Variants in MACROD2 observed in about 807,000 individuals in gnomAD.
The protein encoded by MACROD2 is ADP-ribose glycohydrolase MACROD2.
In MACROD2, 36 loss-of-function variants were observed where a neutral mutation model predicts 70.4. That is an observed-to-expected ratio of 0.51 (90% confidence interval 0.39 to 0.68). The LOEUF (loss-of-function observed/expected upper bound fraction) is 0.68, where lower values mean the gene tolerates loss of function less well. Among genes scored for constraint, MACROD2 ranks in the 30% least tolerant of loss-of-function variants. The probability of loss-of-function intolerance (pLI) is 0.00; values close to 1 mark genes in which losing one functional copy is unlikely to be tolerated. For missense variants in MACROD2, 496 were observed against 538.4 expected (o/e 0.92, Z 0.78); for synonymous variants, 172 against 178.8 (o/e 0.96, Z 0.30).
intron 5 of MACROD2, among the ~76,000 whole-genome samples, chr20:15,097,162 A>G (rs2075840065): frequency 6.6e-6 from 1 of 152,174 alleles, no homozygotes; most frequent in Non-Finnish European, 1.5e-5. Flanking sequence ...TTGTATGCCA[A>G]AAATTACCTC....
At chr20:14,395,830 C>A (rs1476289720) in intron 3 of MACROD2, among the ~76,000 whole-genome samples, 3 of 152,064 alleles carry the variant, frequency 2.0e-5, no homozygotes, top group Non-Finnish European at 4.4e-5. Context: ...CTTTTAATTT[C>A]TTCTTTGACT....
intron 10 of MACROD2, among the ~76,000 whole-genome samples, chr20:15,919,563 T>A (rs1161532074): frequency 6.6e-6 from 1 of 152,036 alleles, no homozygotes; most frequent in Non-Finnish European, 1.5e-5. Context: ...AGTGAAACCC[T>A]GTTTCTACTA....
chr20:15,495,562 A>G (rs2047286628), intron 7 of MACROD2, among the ~76,000 whole-genome samples: 1 of 152,146 alleles, frequency 6.6e-6, no homozygotes, highest in African/African-American at 2.4e-5. Flanking sequence ...CTGTGCTCCC[A>G]GGAGTGAGCC....
chr20:16,000,151 A>T (rs762246168), intron 15 of MACROD2, among the ~76,000 whole-genome samples: 8 of 152,230 alleles, frequency 5.3e-5, no homozygotes, highest in Non-Finnish European at 8.8e-5. Flanking sequence ...GGCCCTTTAT[A>T]GAAAAATACT....
intron 5 of MACROD2, among the ~76,000 whole-genome samples, chr20:15,073,307 A>T (rs1387109828): frequency 6.6e-6 from 1 of 152,148 alleles, no homozygotes; most frequent in Non-Finnish European, 1.5e-5. Context: ...TATAGATTAT[A>T]AAAAAATCCC....
chr20:14,156,248 C>A (rs1453854407), intron 3 of MACROD2, among the ~76,000 whole-genome samples: 2 of 152,134 alleles, frequency 1.3e-5, no homozygotes, highest in Non-Finnish European at 2.9e-5. Context: ...GGGGCATAAC[C>A]TTTGTTATAG....
chr20:15,963,788 AT>A (rs1439206616), intron 12 of MACROD2, among the ~76,000 whole-genome samples: 4 of 152,260 alleles, frequency 2.6e-5, no homozygotes, highest in African/African-American at 9.6e-5. Context: ...ATTTTAATCT[AT>A]TTTAAATATT....
At chr20:15,056,038 C>T (rs1461191558) in intron 5 of MACROD2, among the ~76,000 whole-genome samples, 11 of 152,204 alleles carry the variant, frequency 7.2e-5, no homozygotes, top group Admixed American at 5.9e-4. Flanking sequence ...CCGCCTGCCT[C>T]GGCCTCCCAA....
At chr20:14,239,857 T>A (rs2081913526) in intron 3 of MACROD2, among the ~76,000 whole-genome samples, 1 of 152,192 alleles carries the variant, frequency 6.6e-6, no homozygotes, top group South Asian at 2.1e-4. Flanking sequence ...AAAGAGCTTC[T>A]GCAGAGCAAA....
intron 16 of MACROD2, among the ~76,000 whole-genome samples, chr20:16,043,023 G>A (rs568480128): frequency 7.0e-4 from 107 of 152,154 alleles, no homozygotes; most frequent in African/African-American, 2.6e-3. Context: ...AATGAAAACT[G>A]CCCAAATGAG....
At chr20:15,618,449 A>G (rs1393474096) in intron 8 of MACROD2, among the ~76,000 whole-genome samples, 2 of 152,078 alleles carry the variant, frequency 1.3e-5, no homozygotes, top group Non-Finnish European at 2.9e-5. Flanking sequence ...CACCAGCCTC[A>G]TGGTTAAGAA....
intron 9 of MACROD2, among the ~76,000 whole-genome samples, chr20:15,876,487 C>T (rs959193000): frequency 6.6e-6 from 1 of 152,084 alleles, no homozygotes; most frequent in Non-Finnish European, 1.5e-5. Flanking sequence ...TGTATATGTA[C>T]CACATTTTCT....
Position 15,904,371 on chromosome 20 carries a change from C to G in MACROD2, c.775+18560C>G, listed in dbSNP as rs138937144. Among the ~76,000 whole-genome samples the G allele has an allele frequency of 1.9e-3, 296 of 152,078 alleles. 1 individual carries two copies. Among genetic ancestry groups the G allele is most frequent in the African/African-American group, 6.9e-3 (287 of 41,484 alleles). ...ATTTTCAGGCACAAAGAAAAATCTC[C>G]TAAATATCAAAAAGAGTAAAAGCAC... On this transcript the variant is annotated intron_variant, in intron 10 of 17. Coordinates refer to ENST00000684519, the MANE Select transcript of MACROD2 (RefSeq NM_001351661.2).
intron 5 of MACROD2, among the ~76,000 whole-genome samples, chr20:14,737,773 A>C (rs543970328): frequency 6.6e-6 from 1 of 152,252 alleles, no homozygotes; most frequent in South Asian, 2.1e-4. Flanking sequence ...GTCTGTTCAT[A>C]TCCTTCATCC....
chr20:14,919,028 C>T (rs1302882036), intron 5 of MACROD2, among the ~76,000 whole-genome samples: 2 of 152,144 alleles, frequency 1.3e-5, no homozygotes, highest in African/African-American at 4.8e-5. Flanking sequence ...CTAAGGAGTC[C>T]TCCCAAATTG....
chr20:16,014,176 G>T (rs911717597), intron 15 of MACROD2, among the ~76,000 whole-genome samples: 7 of 152,186 alleles, frequency 4.6e-5, no homozygotes, highest in African/African-American at 1.7e-4. Context: ...AGGTCTGCCT[G>T]TTATGCAAGT....
At chr20:15,425,025 A>G (rs2046279402) in intron 6 of MACROD2, among the ~76,000 whole-genome samples, 1 of 152,316 alleles carries the variant, frequency 6.6e-6, no homozygotes, top group Non-Finnish European at 1.5e-5. Flanking sequence ...CTCTGGCATG[A>G]AAAAAGAAAG....
intron 5 of MACROD2, among the ~76,000 whole-genome samples, chr20:14,900,256 A>G (rs996621255): frequency 5.3e-5 from 8 of 152,126 alleles, no homozygotes; most frequent in African/African-American, 1.9e-4. Flanking sequence ...CATAGGGGAT[A>G]TTAGCCTGTA....
intron 8 of MACROD2, among the ~76,000 whole-genome samples, chr20:15,629,891 C>A (rs2049262939): frequency 6.6e-6 from 1 of 152,180 alleles, no homozygotes; most frequent in Admixed American, 6.5e-5. Context: ...CTACACAGGA[C>A]TCAGAGGAAT....
Sources: gnomAD v4.1 joint callset for allele counts (sites outside exome capture counted in the v4.1 genomes callset) on GRCh38, gnomAD v4.1.1 for gene constraint, MANE v1.5 for transcripts, NCBI Gene and HGNC (gene_info 2026-07-23, HGNC 2026-07-21) for gene names.